CRIM1: variants seen among roughly 807,000 people sequenced by gnomAD.
CRIM1 encodes the protein cysteine rich transmembrane BMP regulator 1.
Under a neutral mutation model 116.4 loss-of-function variants are expected in CRIM1, and 32 were observed. The ratio of observed to expected loss-of-function variants is 0.27; its 90% CI spans 0.21 to 0.37. CRIM1 has a LOEUF of 0.37. Ranked by LOEUF, CRIM1 falls within the 10% of genes least tolerant of loss-of-function variation. The pLI, the probability that CRIM1 is intolerant of heterozygous loss-of-function variation, is 1.00. For synonymous variants in CRIM1, 590 were observed against 509.2 expected (o/e 1.16, Z -2.13); for missense variants, 1,331 against 1,354.8 (o/e 0.98, Z 0.28).
chr2:36,504,770 G>A (rs1034729337), intron 8 of CRIM1, among the ~76,000 whole-genome samples: 8 of 152,276 alleles, frequency 5.3e-5, no homozygotes, highest in African/African-American at 1.9e-4. Context: ...TTTGCTAATA[G>A]ACGTAATATA....
At chr2:36,396,443 T>A (rs1473604611) in intron 1 of CRIM1, among the ~76,000 whole-genome samples, 171 bp from the exon 2 acceptor site, 5 of 152,232 alleles carry the variant, frequency 3.3e-5, no homozygotes, top group Non-Finnish European at 7.3e-5. Context: ...TTTCAGTTAT[T>A]ATGAAGAGAT....
chr2:36,379,662 A>G, intron 1 of CRIM1, among the ~76,000 whole-genome samples: 1 of 152,036 alleles, frequency 6.6e-6, no homozygotes, highest in Non-Finnish European at 1.5e-5. Flanking sequence ...GGGTCTTAGT[A>G]AATGAGTGTT....
chr2:36,509,964 C>T lies in CRIM1; in HGVS notation c.1502-19C>T, dbSNP rs754093938. On this transcript the variant is annotated intron_variant, in intron 8 of 16. Transcript: ENST00000280527. Reference sequence around the variant, plus strand: ...CTGTTCATCTTTGGAAGAAACATGCCGTCTCTGTGTCTTCACAGCCGAGGA... The same window carrying T: ...CTGTTCATCTTTGGAAGAAACATGCTGTCTCTGTGTCTTCACAGCCGAGGA... 8 of 1,608,324 alleles carry T rather than the reference C, an allele frequency of 5.0e-6. No individual in the cohort carries two copies. The highest frequency in any genetic ancestry group is 1.7e-4 in the Middle Eastern group (1 of 6,050).
intron 11 of CRIM1, among the ~76,000 whole-genome samples, chr2:36,516,121 G>A (rs1665016442): frequency 6.6e-6 from 1 of 152,192 alleles, no homozygotes; most frequent in African/African-American, 2.4e-5. Flanking sequence ...TGTATTAGAA[G>A]TTGTTACCCT....
At chr2:36,445,783 TG>T (rs1676196650) in intron 4 of CRIM1, among the ~76,000 whole-genome samples, 1 of 149,576 alleles carries the variant, frequency 6.7e-6, no homozygotes, top group African/African-American at 2.5e-5. Context: ...CATGTGAAAA[TG>T]GAAAAAAAAA....
At chr2:36,368,559 G>C (rs1026847630) in intron 1 of CRIM1, among the ~76,000 whole-genome samples, 1 of 152,200 alleles carries the variant, frequency 6.6e-6, no homozygotes, top group Non-Finnish European at 1.5e-5. Flanking sequence ...TTAGCAATCA[G>C]CTTGTTTGCC....
At chr2:36,503,061 C>A (rs1337692914) in intron 8 of CRIM1, among the ~76,000 whole-genome samples, 1 of 152,228 alleles carries the variant, frequency 6.6e-6, no homozygotes, top group African/African-American at 2.4e-5. Context: ...TCTGCTGTCA[C>A]CTCCCCCATT....
chr2:36,529,663 G>A (rs1380856184), intron 13 of CRIM1, among the ~76,000 whole-genome samples: 5 of 152,190 alleles, frequency 3.3e-5, no homozygotes. Flanking sequence ...AACACAAGGA[G>A]TAAGCTCTAT....
rs537311245 is a variant in CRIM1, at chr2:36,430,429, G to GA, written c.506-10822dup. On this transcript the variant is annotated intron_variant, in intron 2 of 16. Coordinates refer to ENST00000280527, the MANE Select transcript of CRIM1 (RefSeq NM_016441.3). Reference sequence around the variant, plus strand: ...GGAGTACTATAATTATCATTTCTGGGAAAAAAATACACATTGCAGTATTTT... The same window carrying GA: ...GGAGTACTATAATTATCATTTCTGGGAAAAAAAATACACATTGCAGTATTTT... Among the ~76,000 whole-genome samples, 24 of 152,184 alleles carry GA rather than the reference G, an allele frequency of 1.6e-4. No individual in the cohort carries two copies. The South Asian group carries it at 2.3e-3, about 14-fold the overall frequency.
At chr2:36,433,845 A>G (rs1177306503) in intron 2 of CRIM1, among the ~76,000 whole-genome samples, 1 of 152,190 alleles carries the variant, frequency 6.6e-6, no homozygotes, top group Non-Finnish European at 1.5e-5. Flanking sequence ...AAACAATTTA[A>G]TATGGCATTT....
rs143873320 is a variant in CRIM1, at chr2:36,543,101, T to C, written c.2624-1275T>C. Among the ~76,000 whole-genome samples the C allele has an allele frequency of 3.3e-3, 508 of 152,244 alleles. 7 individuals are homozygous for C. The highest frequency in any genetic ancestry group is 0.011 in the African/African-American group (472 of 41,538). On this transcript the variant is annotated intron_variant, in intron 14 of 16. Transcript: ENST00000280527. ...TTTTATGTTTAAAGGTTTTATAATA[T>C]AACTAAGAAAGCAGAAGACTATTCT...
At chr2:36,448,029 C>T (rs981981816) in intron 4 of CRIM1, among the ~76,000 whole-genome samples, 2 of 152,188 alleles carry the variant, frequency 1.3e-5, no homozygotes, top group African/African-American at 4.8e-5. Context: ...GCCTCTGAGC[C>T]ACCGCTTCAG....
intron 7 of CRIM1, among the ~76,000 whole-genome samples, chr2:36,492,765 C>T (rs1475813996): frequency 6.6e-6 from 1 of 152,130 alleles, no homozygotes; most frequent in Admixed American, 6.5e-5. Flanking sequence ...ATTGAACTGC[C>T]ATGTCAAGTC....
rs59487667 is a variant in CRIM1 at position 36,489,382 on chromosome 2, G to A, written c.1372+9688G>A. Among the ~76,000 whole-genome samples the A allele has an allele frequency of 5.6e-3, 854 of 152,274 alleles. 11 individuals are homozygous for A. The highest frequency in any genetic ancestry group is 0.019 in the African/African-American group (810 of 41,550). On this transcript the variant is annotated intron_variant, in intron 7 of 16. Transcript: ENST00000280527. ...AGCTATCCACTTGGGATGGCCTCGG[G>A]CCTTGCATACGGAGAGGGTCGGCAA... is the stretch of plus-strand genomic sequence containing the variant.
intron 4 of CRIM1, among the ~76,000 whole-genome samples, chr2:36,446,297 C>G (rs563821259): frequency 3.9e-5 from 6 of 152,238 alleles, no homozygotes; most frequent in African/African-American, 1.4e-4. Flanking sequence ...TCTGTGTGAG[C>G]TTGATTTGTT....
At chr2:36,528,850 G>A (rs1201841205) in intron 13 of CRIM1, among the ~76,000 whole-genome samples, 1 of 152,188 alleles carries the variant, frequency 6.6e-6, no homozygotes, top group Non-Finnish European at 1.5e-5. Flanking sequence ...AAAATAAGCA[G>A]TGTTTGATTT....
At chr2:36,391,524 A>G (rs11124513) in intron 1 of CRIM1, among the ~76,000 whole-genome samples, 57,226 of 151,842 alleles carry the variant, frequency 0.38, 11,946 homozygotes, top group African/African-American at 0.57. Flanking sequence ...CCTATTTACC[A>G]GTTACATATT....
At chr2:36,508,104 C>T (rs1407604871) in intron 8 of CRIM1, among the ~76,000 whole-genome samples, 1 of 152,110 alleles carries the variant, frequency 6.6e-6, no homozygotes, top group Non-Finnish European at 1.5e-5. Context: ...TATGACCTTT[C>T]AAGTCATATA....
At chr2:36,463,466 CAGGATGTCTTTTTTT>C (rs1316958600) in intron 4 of CRIM1, among the ~76,000 whole-genome samples, 1 of 152,110 alleles carries the variant, frequency 6.6e-6, no homozygotes, top group Non-Finnish European at 1.5e-5. Context: ...TACTTCCTGC[CAGGATGTCTTTTTTT>C]AGGATGTCTT....
Sources: gnomAD v4.1 joint callset for allele counts (sites outside exome capture counted in the v4.1 genomes callset) on GRCh38, gnomAD v4.1.1 for gene constraint, MANE v1.5 for transcripts, NCBI Gene and HGNC (gene_info 2026-07-23, HGNC 2026-07-21) for gene names.